SIDT1: variants seen among roughly 807,000 people sequenced by gnomAD.
SIDT1 encodes SID1 transmembrane family, member 1.
SIDT1 carries 101 observed loss-of-function variants against 107.5 expected under a neutral mutation model. The observed-to-expected ratio is 0.94, with a 90% confidence interval of 0.80 to 1.11. The LOEUF (loss-of-function observed/expected upper bound fraction) is 1.11. Among genes scored for constraint, SIDT1 ranks in the 50% least tolerant of loss-of-function variants. The pLI, the probability that SIDT1 is intolerant of heterozygous loss-of-function variation, is 0.00. For missense variants in SIDT1, 1,076 were observed against 1,058.2 expected (o/e 1.02, Z -0.23); for synonymous variants, 395 against 398.2 (o/e 0.99, Z 0.10).
At chr3:113,564,982 G>A (rs553928582) in intron 1 of SIDT1, among the ~76,000 whole-genome samples, 2 of 152,234 alleles carry the variant, frequency 1.3e-5, no homozygotes, top group South Asian at 4.1e-4. Flanking sequence ...AGAACCAAAT[G>A]GCAATATATG....
Position 113,608,465 on chromosome 3 carries a change from T to G in SIDT1, c.1649T>G (p.Ile550Ser), listed in dbSNP as rs148262217. 6.2e-7 allele frequency: 1 copy of G among 1,614,168 alleles called. No individual in the cohort carries two copies. The highest frequency in any genetic ancestry group is 1.1e-5 in the South Asian group (1 of 91,084). The change falls in exon 17 of 25, where the codon ATT becomes AGT. Residue 550 changes from isoleucine to serine, a missense_variant. Ile to Ser is a moderately radical substitution (Grantham distance 142). Transcript: ENST00000264852. ...KHFGLFYAMGIALMMEGVLSA... is the reference protein window; with the variant it reads ...KHFGLFYAMGSALMMEGVLSA... ...TTTGGTCTCTTCTACGCTATGGGCATTGCATTGATGATGGAAGGGGTGCTC... is the reference window on the plus strand; with the variant it reads ...TTTGGTCTCTTCTACGCTATGGGCAGTGCATTGATGATGGAAGGGGTGCTC...
At chr3:113,536,735 T>C (rs1228824540) in intron 1 of SIDT1, among the ~76,000 whole-genome samples, 2 of 152,274 alleles carry the variant, frequency 1.3e-5, no homozygotes, top group East Asian at 3.8e-4. Flanking sequence ...AATGTAAATA[T>C]GAAGTTGCCT....
Position 113,533,007 on chromosome 3 carries a change from G to A in SIDT1, c.-15G>A. The A allele has an allele frequency of 1.5e-6, 2 of 1,345,316 alleles. No individual in the cohort carries two copies. Among genetic ancestry groups the A allele is most frequent in the Non-Finnish European group, 1.9e-6 (2 of 1,052,212 alleles). The allele number at this position is 1,345,316 out of a possible 1,614,324, so 83.3% of individuals were successfully genotyped here. A position where few individuals can be genotyped will look rare whatever the true frequency, so the allele number is the denominator to read the frequency against. ...CAGGGTGGCTCCGCTTTCGAGCCCG[G>A]GCGCGGTGCCCACCATGCGCGGCTG... On this transcript the variant is annotated 5_prime_UTR_variant, in exon 1 of 25. Coordinates refer to ENST00000264852, the MANE Select transcript of SIDT1 (RefSeq NM_017699.3).
chr3:113,560,281 G>A (rs1180540273), intron 1 of SIDT1, among the ~76,000 whole-genome samples: 2 of 152,200 alleles, frequency 1.3e-5, no homozygotes, highest in African/African-American at 4.8e-5. Context: ...CCCCCTGGGG[G>A]TAATCACGTT....
At chr3:113,615,190 T>G (rs777367929) in intron 19 of SIDT1, 2 of 1,120,142 alleles carry the variant, frequency 1.8e-6, no homozygotes, top group Non-Finnish European at 2.6e-6. Flanking sequence ...CCGGGCAGAC[T>G]CCGTGGGAGT....
chr3:113,581,309 C>T, intron 5 of SIDT1, 52 bp from the exon 6 acceptor site: 1 of 1,397,030 alleles, frequency 7.2e-7, no homozygotes, highest in Non-Finnish European at 1.0e-6. Context: ...TGTGGCATGA[C>T]ATTGCATGAC....
At chr3:113,564,107 C>T (rs1188080272) in intron 1 of SIDT1, among the ~76,000 whole-genome samples, 4 of 152,140 alleles carry the variant, frequency 2.6e-5, no homozygotes, top group African/African-American at 9.7e-5. Flanking sequence ...CGCCACCACG[C>T]CCAGCTAATT....
At chr3:113,626,367 T>G in intron 24 of SIDT1, 152 bp downstream of exon 24, 1 of 567,508 alleles carries the variant, frequency 1.8e-6, no homozygotes, top group Admixed American at 3.5e-5. Flanking sequence ...ATCTTATTTC[T>G]TTCATAAATT....
intron 4 of SIDT1, among the ~76,000 whole-genome samples, chr3:113,577,459 G>A (rs781611005): frequency 1.3e-5 from 2 of 152,174 alleles, no homozygotes; most frequent in Non-Finnish European, 2.9e-5. Context: ...TATAAGTGTA[G>A]TAAATTAGTT....
intron 3 of SIDT1, among the ~76,000 whole-genome samples, chr3:113,568,893 G>A (rs897500306): frequency 5.9e-5 from 9 of 152,116 alleles, no homozygotes; most frequent in African/African-American, 2.2e-4. Context: ...CAGCACTTTG[G>A]GAGGCCACAG....
At chr3:113,583,591 A>G in intron 7 of SIDT1, 95 bp downstream of exon 7, 1 of 862,512 alleles carries the variant, frequency 1.2e-6, no homozygotes, top group Non-Finnish European at 1.8e-6. Flanking sequence ...CCCACTAAAC[A>G]AGGGTTGGTT....
At chr3:113,558,480 T>G (rs901641472) in intron 1 of SIDT1, among the ~76,000 whole-genome samples, 1 of 152,210 alleles carries the variant, frequency 6.6e-6, no homozygotes, top group African/African-American at 2.4e-5. Context: ...AATGCTATCA[T>G]TTCAAGGATA....
In SIDT1 at chr3:113,627,652, T is replaced by C. The variant is rs1420212078; in HGVS notation, c.2428T>C (p.Leu810=). 1 of 1,614,084 alleles carries C rather than the reference T, an allele frequency of 6.2e-7. No homozygotes were observed. The highest frequency in any genetic ancestry group is 1.7e-5 in the Admixed American group (1 of 60,020). Residue 810 remains leucine (L), a synonymous_variant, in exon 25 of 25, where the codon TTA becomes CTA. Coordinates refer to ENST00000264852, the MANE Select transcript of SIDT1 (RefSeq NM_017699.3). ...TCTGTCCCTCTCACTTCAGGTTTTG[T>C]TAACTTTGGATGATGACCTTGATGT... ...TALFFSFLVL[L]TLDDDLDVVR...
Position 113,612,043 on chromosome 3 carries a change from A to G in SIDT1, c.1858-43A>G, listed in dbSNP as rs201138601. On this transcript the variant is annotated intron_variant, in intron 18 of 24. Transcript: ENST00000264852. Reference sequence around the variant, plus strand: ...AGAGGATGATTTTGATGAGTTTTCTAGGGAAAACCTCAGATGAAGGTAACT... The same window carrying G: ...AGAGGATGATTTTGATGAGTTTTCTGGGGAAAACCTCAGATGAAGGTAACT... The G allele has an allele frequency of 1.7e-4, 242 of 1,425,734 alleles. 2 individuals carry two copies. In the African/African-American group the frequency reaches 3.0e-3, roughly 18 times the overall value. 88.3% of individuals were successfully genotyped at this position (1,425,734 alleles called of 1,614,324 possible).
intron 1 of SIDT1, among the ~76,000 whole-genome samples, chr3:113,562,766 G>C (rs757870782): frequency 1.3e-5 from 2 of 152,170 alleles, no homozygotes; most frequent in African/African-American, 4.8e-5. Flanking sequence ...AAAAATATTA[G>C]AATTAGACAT....
chr3:113,545,683 T>C (rs1939510598), intron 1 of SIDT1, among the ~76,000 whole-genome samples: 1 of 152,222 alleles, frequency 6.6e-6, no homozygotes, highest in Non-Finnish European at 1.5e-5. Flanking sequence ...CCCTAGACCA[T>C]TTAATAAGTT....
chr3:113,536,614 T>G (rs1340206732), intron 1 of SIDT1, among the ~76,000 whole-genome samples: 1 of 152,250 alleles, frequency 6.6e-6, no homozygotes, highest in African/African-American at 2.4e-5. Flanking sequence ...TGTCAGCCAC[T>G]GCATCTCCCA....
intron 1 of SIDT1, 50 bp from the exon 2 acceptor site, chr3:113,566,364 GTTTGCA>G: frequency 6.7e-7 from 1 of 1,483,450 alleles, no homozygotes; most frequent in Admixed American, 1.7e-5. Context: ...GTGTGTGTGT[GTTTGCA>G]TGTGTGCATG....
intron 3 of SIDT1, among the ~76,000 whole-genome samples, chr3:113,572,781 C>G (rs948695006): frequency 6.6e-6 from 1 of 152,190 alleles, no homozygotes; most frequent in Non-Finnish European, 1.5e-5. Context: ...ATACTTGCAG[C>G]CTTCAGCCCT....
Sources: gnomAD v4.1 joint callset for allele counts (sites outside exome capture counted in the v4.1 genomes callset) on GRCh38, gnomAD v4.1.1 for gene constraint, MANE v1.5 for transcripts, NCBI Gene and HGNC (gene_info 2026-07-23, HGNC 2026-07-21) for gene names.